The following SMG7 variants were observed in gnomAD, a reference collection of about 807,000 sequenced individuals.
SMG7 encodes SMG7 nonsense mediated mRNA decay factor, also known as nonsense-mediated mRNA decay factor SMG7.
In SMG7, 34 loss-of-function variants were observed where a neutral mutation model predicts 148.2. That is an observed-to-expected ratio of 0.23 (90% CI 0.17 to 0.31). SMG7 has a LOEUF of 0.31. SMG7 is among the 10% of genes least tolerant of loss of function. The pLI is 1.00. For synonymous variants in SMG7, 492 were observed against 515.1 expected (o/e 0.96, Z 0.61); for missense variants, 1,114 against 1,408.4 (o/e 0.79, Z 3.35).
At chr1:183,545,937 C>T in intron 16 of SMG7, 29 bp from the exon 17 acceptor site, 1 of 1,548,150 alleles carries the variant, frequency 6.5e-7, no homozygotes, top group South Asian at 1.3e-5. Flanking sequence ...ATTTTATCCT[C>T]ACCTTTATGA....
chr1:183,487,806 G>A (rs1346539308), intron 1 of SMG7, among the ~76,000 whole-genome samples: 1 of 152,206 alleles, frequency 6.6e-6, no homozygotes, highest in Non-Finnish European at 1.5e-5. Flanking sequence ...AATGAAGCTG[G>A]TAAATATATA....
intron 14 of SMG7, 72 bp downstream of exon 14, chr1:183,542,574 T>A: frequency 7.4e-7 from 1 of 1,350,154 alleles, no homozygotes; most frequent in Non-Finnish European, 1.0e-6. Flanking sequence ...CATTTTGTTC[T>A]AAAGCCATGA....
intron 4 of SMG7, chr1:183,518,632 G>A (rs982989448): frequency 6.6e-6 from 1 of 152,134 alleles, no homozygotes; most frequent in African/African-American, 2.4e-5. Context: ...TGTCCCCAGA[G>A]ATTTTCTTTT....
At chr1:183,533,932 A>G in intron 10 of SMG7, 100 bp downstream of exon 10, 1 of 960,132 alleles carries the variant, frequency 1.0e-6, no homozygotes, top group Non-Finnish European at 1.6e-6. Flanking sequence ...TTTGAACAAT[A>G]GAATACTGTA....
At position 183,509,598 on chromosome 1, in the gene SMG7, T is replaced by C. The variant is rs189031224; in HGVS notation, c.30-3239T>C. 4.9e-3 allele frequency among the ~76,000 whole-genome samples: 739 copies of C among 152,318 alleles called. 8 individuals are homozygous for C. The highest frequency in any genetic ancestry group is 0.034 in the South Asian group (166 of 4,828). On this transcript the variant is annotated intron_variant, in intron 1 of 22. Transcript: ENST00000688051. The stretch of plus-strand genomic sequence containing the variant: ...CTTTATCAATTCAATTTAGCAAGGT[T>C]ACTTTTAAAAAGAAAGCTAATAATT...
intron 14 of SMG7, among the ~76,000 whole-genome samples, chr1:183,542,925 A>ATGTGTGTG (rs761811792): frequency 2.9e-4 from 41 of 141,646 alleles, no homozygotes; most frequent in African/African-American, 6.9e-4. Flanking sequence ...TAATATATAT[A>ATGTGTGTG]TATGTGTGTG....
intron 1 of SMG7, among the ~76,000 whole-genome samples, chr1:183,482,301 G>A (rs775390903): frequency 5.3e-5 from 8 of 152,026 alleles, no homozygotes; most frequent in Non-Finnish European, 1.2e-4. Context: ...TGAGTAGCTG[G>A]TGTGTGTTAT....
At chr1:183,533,558 A>G in intron 9 of SMG7, 118 bp from the exon 10 acceptor site, 1 of 957,258 alleles carries the variant, frequency 1.0e-6, no homozygotes, top group Non-Finnish European at 1.5e-6. Flanking sequence ...TCTTTTTAGA[A>G]AGAAGCTGTA....
chr1:183,532,867 T>G (rs969866639), intron 8 of SMG7, among the ~76,000 whole-genome samples: 2 of 152,190 alleles, frequency 1.3e-5, no homozygotes, highest in Non-Finnish European at 2.9e-5. Context: ...GGATGAACAC[T>G]CAAAGACTTT....
At chr1:183,533,140 C>G (rs765124774) in intron 8 of SMG7, 24 bp from the exon 9 acceptor site, 1 of 1,604,302 alleles carries the variant, frequency 6.2e-7, no homozygotes, top group Non-Finnish European at 8.5e-7. Context: ...ATAATATATG[C>G]AGTACGTCTG....
chr1:183,527,837 A>T lies in SMG7; in HGVS notation c.485-119A>T. The T allele has an allele frequency of 1.5e-6, 1 of 684,688 alleles. No individual in the cohort carries two copies. Among genetic ancestry groups the T allele is most frequent in the Non-Finnish European group, 2.6e-6 (1 of 389,574 alleles). 42.4% of individuals were successfully genotyped at this position (684,688 alleles called of 1,614,324 possible). Reference sequence around the variant, plus strand: ...ATTTGTTTTAAAGTATTTTGTCTTTAATTTTAAATTAACTTTAATGTCTTT... The same window carrying T: ...ATTTGTTTTAAAGTATTTTGTCTTTTATTTTAAATTAACTTTAATGTCTTT... On this transcript the variant is annotated intron_variant, in intron 5 of 22. Transcript: ENST00000688051. The surrounding 1 kb of genome is among the most constrained non-coding windows in gnomAD (Gnocchi z 4.0).
intron 4 of SMG7, among the ~76,000 whole-genome samples, chr1:183,526,310 G>C (rs956017585): frequency 6.6e-6 from 1 of 151,384 alleles, no homozygotes; most frequent in Non-Finnish European, 1.5e-5. Flanking sequence ...CACCACTCCC[G>C]GCTGATTTTT....
At chr1:183,542,557 G>T in intron 14 of SMG7, 55 bp downstream of exon 14, 1 of 1,460,716 alleles carries the variant, frequency 6.8e-7, no homozygotes, top group Non-Finnish European at 9.3e-7. Flanking sequence ...CAAAAGGCAA[G>T]ATTTTTCATT....
Position 183,541,108 on chromosome 1 carries a change from G to A in SMG7, c.1415+5G>A, listed in dbSNP as rs532807405. Reference sequence around the variant, plus strand: ...GATTGCTGATAATCAGCCAAGGTAAGTCTGGAACTTCTGGTCTACCCCTTT... The same window carrying A: ...GATTGCTGATAATCAGCCAAGGTAAATCTGGAACTTCTGGTCTACCCCTTT... On this transcript the variant is annotated splice_donor_5th_base_variant and intron_variant, in intron 13 of 22. Transcript: ENST00000688051. 22 of 1,612,406 alleles carry A rather than the reference G, an allele frequency of 1.4e-5. No homozygotes were observed. In the South Asian group the frequency reaches 2.2e-4, roughly 16 times the overall value.
rs2102843835 is a variant in SMG7 at position 183,552,531 on chromosome 1, C to G, written c.*600C>G. 2.0e-6 allele frequency: 2 copies of G among 1,000,222 alleles called. No homozygotes were observed. Among genetic ancestry groups the G allele is most frequent in the African/African-American group, 3.5e-5 (2 of 57,664 alleles). The allele number at this position is 1,000,222 out of a possible 1,614,324, so 62.0% of individuals were successfully genotyped here. A position where few individuals can be genotyped will look rare whatever the true frequency, so the allele number is the denominator to read the frequency against. On this transcript the variant is annotated 3_prime_UTR_variant, in exon 23 of 23. Transcript: ENST00000688051. ...GGTGGTGACAGGATGGGGAACCGAC[C>G]TCTTCAGCCAGTGGAAATGTTCCAT...
intron 11 of SMG7, 138 bp downstream of exon 11, chr1:183,537,353 AT>A (rs1667975469): frequency 4.6e-6 from 3 of 648,360 alleles, no homozygotes; most frequent in Non-Finnish European, 5.5e-6. Flanking sequence ...TGAACTCTAC[AT>A]AAGTGGGTGG....
chr1:183,490,499 T>C (rs1024105150), intron 1 of SMG7, among the ~76,000 whole-genome samples: 5 of 152,196 alleles, frequency 3.3e-5, no homozygotes, highest in African/African-American at 7.2e-5. Context: ...TTAATAACTA[T>C]TATAAATGTA....
chr1:183,539,885 A>T (rs916001739), intron 12 of SMG7, among the ~76,000 whole-genome samples: 1 of 152,156 alleles, frequency 6.6e-6, no homozygotes, highest in Admixed American at 6.5e-5. Flanking sequence ...TTCTCCTCCT[A>T]TAGTCTGTTT....
intron 4 of SMG7, among the ~76,000 whole-genome samples, chr1:183,523,134 G>C (rs1404461546): frequency 6.6e-6 from 1 of 152,068 alleles, no homozygotes; most frequent in African/African-American, 2.4e-5. Context: ...TTTATTCTAA[G>C]AAAATAGGAA....
Sources: allele counts gnomAD v4.1 joint callset (sites outside exome capture counted in the v4.1 genomes callset), GRCh38; gene constraint gnomAD v4.1.1; non-coding constraint Gnocchi (gnomAD v3.1); transcripts MANE v1.5; gene names NCBI Gene and HGNC (gene_info 2026-07-23, HGNC 2026-07-21).